The following MIB1 variants were observed in gnomAD, a reference collection of about 807,000 sequenced individuals.
MIB1 encodes E3 ubiquitin-protein ligase MIB1.
A neutral mutation model predicts 124.5 loss-of-function variants in MIB1; 278 were observed. That is an observed-to-expected ratio of 2.23 (90% CI 2.02 to 2.47). The LOEUF is 2.47. Among genes scored for constraint, MIB1 ranks in the 30% most tolerant of loss-of-function variants. The pLI is 0.00. For missense variants in MIB1, 957 were observed against 1,254.4 expected (o/e 0.76, Z 3.58); for synonymous variants, 446 against 429.4 (o/e 1.04, Z -0.48).
intron 1 of MIB1, among the ~76,000 whole-genome samples, chr18:21,711,294 T>G (rs1417161579): frequency 1.3e-5 from 2 of 152,104 alleles, no homozygotes; most frequent in Admixed American, 6.5e-5. Flanking sequence ...TTTATTTTTA[T>G]TTTTTGAAAT....
At chr18:21,749,852 G>A (rs1290218504) in intron 1 of MIB1, among the ~76,000 whole-genome samples, 1 of 151,806 alleles carries the variant, frequency 6.6e-6, no homozygotes, top group Non-Finnish European at 1.5e-5. Flanking sequence ...ATGTTGGTCA[G>A]GCTGGTCTCG....
intron 17 of MIB1, among the ~76,000 whole-genome samples, chr18:21,852,367 T>TA (rs922928036): frequency 6.6e-6 from 1 of 152,218 alleles, no homozygotes; most frequent in African/African-American, 2.4e-5. Context: ...GAGTAGTAGT[T>TA]ACCATTTTTG....
At chr18:21,844,354 A>C in intron 15 of MIB1, 101 bp downstream of exon 15, 1 of 1,226,374 alleles carries the variant, frequency 8.2e-7, no homozygotes, top group Non-Finnish European at 1.1e-6. Flanking sequence ...AAAATATTTT[A>C]TCAGAGCTAT....
chr18:21,846,871 A>G lies in MIB1; in HGVS notation c.2212-73A>G, dbSNP rs182001188. On this transcript the variant is annotated intron_variant, in intron 15 of 20. Coordinates refer to ENST00000261537, the MANE Select transcript of MIB1 (RefSeq NM_020774.4). ...ACTCATAAGTGTCCACCACACACAC[A>G]TACATATATATGATGACAAGAATTG... The G allele has an allele frequency of 1.4e-4, 193 of 1,413,158 alleles. 1 individual carries two copies. The East Asian group carries it at 4.3e-3, about 32-fold the overall frequency. The allele number at this position is 1,413,158 out of a possible 1,614,324, so 87.5% of individuals were successfully genotyped here. A position where few individuals can be genotyped will look rare whatever the true frequency, so the allele number is the denominator to read the frequency against.
chr18:21,839,162 CTAGTT>C (rs779601333), intron 13 of MIB1, among the ~76,000 whole-genome samples: 1 of 152,052 alleles, frequency 6.6e-6, no homozygotes, highest in African/African-American at 2.4e-5. Context: ...AATTTATAGT[CTAGTT>C]AAGAAGATGA....
At chr18:21,720,688 C>T (rs2040710431) in intron 1 of MIB1, among the ~76,000 whole-genome samples, 1 of 152,108 alleles carries the variant, frequency 6.6e-6, no homozygotes, top group South Asian at 2.1e-4. Context: ...GTGGCTTATG[C>T]CTGTAATCCC....
chr18:21,800,930 G>A lies in MIB1; in HGVS notation c.1371+956G>A, dbSNP rs543063366. Among the ~76,000 whole-genome samples, 7 of 152,002 alleles carry A rather than the reference G, an allele frequency of 4.6e-5. No individual in the cohort carries two copies. The East Asian group carries it at 1.2e-3, about 25-fold the overall frequency. On this transcript the variant is annotated intron_variant, in intron 9 of 20. Coordinates refer to ENST00000261537, the MANE Select transcript of MIB1 (RefSeq NM_020774.4). ...TTTGAAAGATAGTCGGATTTCCTTT[G>A]TATTCCAGTCAAGCAGATTTAGGTT...
intron 1 of MIB1, among the ~76,000 whole-genome samples, chr18:21,735,183 T>G (rs2040790736): frequency 6.6e-6 from 1 of 152,142 alleles, no homozygotes; most frequent in Non-Finnish European, 1.5e-5. Flanking sequence ...CCAACTGAGG[T>G]ACCTGGTTCA....
intron 13 of MIB1, among the ~76,000 whole-genome samples, chr18:21,840,817 C>T (rs530723955): frequency 2.0e-5 from 3 of 151,110 alleles, no homozygotes; most frequent in African/African-American, 7.3e-5. Flanking sequence ...GGCAACAGAG[C>T]AAGACCTTGT....
At chr18:21,724,248 A>G (rs2040727484) in intron 1 of MIB1, 1 of 152,244 alleles carries the variant, frequency 6.6e-6, no homozygotes, top group South Asian at 2.1e-4. Flanking sequence ...TCTATCTGTG[A>G]TAGGATACAG....
intron 19 of MIB1, among the ~76,000 whole-genome samples, chr18:21,857,653 A>G (rs956362812): frequency 2.6e-5 from 4 of 152,266 alleles, no homozygotes; most frequent in Non-Finnish European, 5.9e-5. Context: ...TCATTTAAGT[A>G]TTTTATGGAA....
At chr18:21,729,268 A>T (rs1281212004) in intron 1 of MIB1, among the ~76,000 whole-genome samples, 2 of 152,222 alleles carry the variant, frequency 1.3e-5, no homozygotes, top group African/African-American at 2.4e-5. Context: ...ATGGCGTCAT[A>T]GTCTGTTCGG....
Position 21,820,628 on chromosome 18 carries a change from G to A in MIB1, c.1829+982G>A, listed in dbSNP as rs543794322. On this transcript the variant is annotated intron_variant, in intron 12 of 20. Coordinates refer to ENST00000261537, the MANE Select transcript of MIB1 (RefSeq NM_020774.4). ...TTTGAACACTTCAGATTTTGGCATT[G>A]TGAAGAAGACAGTAGTATTATATTT... 3.3e-5 allele frequency among the ~76,000 whole-genome samples: 5 copies of A among 152,228 alleles called. No individual in the cohort carries two copies. The South Asian group carries it at 1.0e-3, about 32-fold the overall frequency.
upstream of MIB1, among the ~76,000 whole-genome samples, chr18:21,736,507 AGAAT>A (rs1472208466): frequency 6.6e-6 from 1 of 152,226 alleles, no homozygotes; most frequent in Admixed American, 6.5e-5. Context: ...AACTGGATGG[AGAAT>A]GAGTTTGACG....
chr18:21,759,550 C>G (rs1285054358), intron 1 of MIB1, among the ~76,000 whole-genome samples: 1 of 151,988 alleles, frequency 6.6e-6, no homozygotes, highest in Non-Finnish European at 1.5e-5. Context: ...CTTTGTATTC[C>G]ATATTTAAAA....
chr18:21,811,988 C>A (rs1375561215), intron 10 of MIB1, among the ~76,000 whole-genome samples: 2 of 152,036 alleles, frequency 1.3e-5, no homozygotes, highest in African/African-American at 2.4e-5. Flanking sequence ...TGTGCTAGCT[C>A]CTGGAAATAA....
At position 21,757,487 on chromosome 18, in the gene MIB1, CTTT is replaced by C. The variant is rs749427675; in HGVS notation, c.230-8272_230-8270del. 2.5e-3 allele frequency among the ~76,000 whole-genome samples: 214 copies of C among 84,332 alleles called. 2 individuals carry two copies. Among genetic ancestry groups the C allele is most frequent in the African/African-American group, 8.8e-3 (198 of 22,572 alleles). 55.3% of individuals were successfully genotyped at this position (84,332 alleles called of 152,430 possible). On this transcript the variant is annotated intron_variant, in intron 1 of 20. Transcript: ENST00000261537. ...AAAAAAAAAAAAAAAAAAAGACAGT[CTTT>C]TTTTTTTTTTTTGGGACAGGGTCTT...
In MIB1 at chr18:21,843,218, G is replaced by T; in HGVS notation, c.2049+1G>T. On this transcript the variant is annotated splice_donor_variant, in intron 14 of 20. Coordinates refer to ENST00000261537, the MANE Select transcript of MIB1 (RefSeq NM_020774.4). LOFTEE classifies it high-confidence loss of function. Reference sequence around the variant, plus strand: ...ACGACAGCATACCCAGATTGTTAGGGTAAAGTATTGACATACATTTTAGCT... The same window carrying T: ...ACGACAGCATACCCAGATTGTTAGGTTAAAGTATTGACATACATTTTAGCT... 1 of 1,570,212 alleles carries T rather than the reference G, an allele frequency of 6.4e-7. No homozygotes were observed. The highest frequency in any genetic ancestry group is 8.6e-7 in the Non-Finnish European group (1 of 1,161,904).
Position 21,792,022 on chromosome 18 carries a change from G to T in MIB1, c.1092+465G>T, listed in dbSNP as rs145382579. On this transcript the variant is annotated intron_variant, in intron 7 of 20. Transcript: ENST00000261537. ...CAGTTTTTTATTTAGTCATTTTTTC[G>T]TCAAATGTTCATCAACAACAAACAA... Among the ~76,000 whole-genome samples the T allele has an allele frequency of 2.6e-3, 394 of 152,126 alleles. 3 individuals are homozygous for T. The highest frequency in any genetic ancestry group is 9.1e-3 in the African/African-American group (378 of 41,496).
Sources: allele counts gnomAD v4.1 joint callset (sites outside exome capture counted in the v4.1 genomes callset), GRCh38; gene constraint gnomAD v4.1.1; transcripts MANE v1.5; gene names NCBI Gene and HGNC (gene_info 2026-07-23, HGNC 2026-07-21).